Variants in ADAM9 observed in about 807,000 individuals in gnomAD.
ADAM9 encodes ADAM metallopeptidase domain 9.
ADAM9 carries 54 observed loss-of-function variants against 108.1 expected under a neutral mutation model. That is an observed-to-expected ratio of 0.50 (90% CI 0.40 to 0.63). ADAM9 has a LOEUF of 0.63. Ranked by LOEUF, ADAM9 falls within the 20% of genes least tolerant of loss-of-function variation. The pLI is 0.00. For missense variants in ADAM9, 830 were observed against 997.7 expected (o/e 0.83, Z 2.26); for synonymous variants, 316 against 336.0 (o/e 0.94, Z 0.65).
At chr8:39,074,498 A>G (rs1171785138) in intron 15 of ADAM9, among the ~76,000 whole-genome samples, 3 of 152,146 alleles carry the variant, frequency 2.0e-5, no homozygotes, top group East Asian at 3.8e-4. Flanking sequence ...AATTATAGAC[A>G]TGATACTTTA....
intron 12 of ADAM9, among the ~76,000 whole-genome samples, chr8:39,049,838 T>C (rs923038433): frequency 3.3e-5 from 5 of 152,230 alleles, no homozygotes; most frequent in African/African-American, 1.2e-4. Context: ...CATTTGTCTA[T>C]ATATTTATTC....
rs931216395 is a variant in ADAM9, at chr8:39,025,873, G to A, written c.985G>A (p.Gly329Arg). Reference sequence around the variant, plus strand: ...AGTGTGTTCAAGGAGCCACGCAGGCGGGATTAATGTGGTACGTTGTTCTTG... The same window carrying A: ...AGTGTGTTCAAGGAGCCACGCAGGCAGGATTAATGTGGTACGTTGTTCTTG... ...GTVCSRSHAG[G>R]INVFGQITVE... The change falls in exon 10 of 22, where the codon GGG becomes AGG. Residue 329 changes from glycine to arginine, a missense_variant. This residue lies in a region of ADAM9 where 381 missense variants were observed against 539.8 expected (regional missense o/e 0.71). Coordinates refer to ENST00000487273, the MANE Select transcript of ADAM9 (RefSeq NM_003816.3). 3 of 1,614,056 alleles carry A rather than the reference G, an allele frequency of 1.9e-6. No homozygotes were observed. Among genetic ancestry groups the A allele is most frequent in the Non-Finnish European group, 2.5e-6 (3 of 1,179,990 alleles).
chr8:39,072,114 ATATTT>A (rs887533902), intron 15 of ADAM9, among the ~76,000 whole-genome samples: 1 of 152,240 alleles, frequency 6.6e-6, no homozygotes, highest in African/African-American at 2.4e-5. Flanking sequence ...TGAATTTAAA[ATATTT>A]TATATTTCTA....
chr8:39,014,701 C>A, intron 4 of ADAM9: 1 of 605,074 alleles, frequency 1.7e-6, no homozygotes, highest in Non-Finnish European at 2.9e-6. Flanking sequence ...CATGAGAAAT[C>A]TTTATTCCCA....
chr8:39,039,859 G>A (rs1588367810), intron 11 of ADAM9, among the ~76,000 whole-genome samples: 1 of 152,098 alleles, frequency 6.6e-6, no homozygotes, highest in East Asian at 1.9e-4. Context: ...GTCTTTATGA[G>A]GTGGTGTTTT....
chr8:38,997,210 G>C (rs1835844005), intron 1 of ADAM9, 50 bp downstream of exon 1: 1 of 1,552,822 alleles, frequency 6.4e-7, no homozygotes, highest in South Asian at 1.2e-5. Flanking sequence ...CCTAGGGACG[G>C]GGCGCTCGGA....
rs1839709885 is a variant in ADAM9 at position 39,101,914 on chromosome 8, C to T, written c.2350C>T (p.Gln784Ter). The T allele has an allele frequency of 6.2e-7, 1 of 1,613,694 alleles. No individual in the cohort carries two copies. The highest frequency in any genetic ancestry group is 8.5e-7 in the Non-Finnish European group (1 of 1,179,826). Residue 784 changes from glutamine to a stop codon, truncating the protein, a stop_gained, in exon 21 of 22, where the codon CAG becomes TAG. Transcript: ENST00000487273. LOFTEE classifies it high-confidence loss of function. ...ACCAACCTATGCAGCCAAGCAACCT[C>T]AGCAGTTCCCATCAAGGTCAGAAGA... ...AVPTYAAKQP[Q>*]QFPSRPPPPQ...
At chr8:39,059,865 C>T (rs531008724) in intron 14 of ADAM9, among the ~76,000 whole-genome samples, 1 of 152,324 alleles carries the variant, frequency 6.6e-6, no homozygotes, top group East Asian at 1.9e-4. Flanking sequence ...AGGAAGTTCC[C>T]CGTGAGGTCA....
At chr8:39,057,384 C>G (rs1055108076) in intron 14 of ADAM9, among the ~76,000 whole-genome samples, 2 of 148,412 alleles carry the variant, frequency 1.3e-5, no homozygotes, top group African/African-American at 2.5e-5. Context: ...TATATAATAT[C>G]TTATATATGT....
At chr8:39,082,534 T>C in intron 16 of ADAM9, 107 bp from the exon 17 acceptor site, 1 of 805,150 alleles carries the variant, frequency 1.2e-6, no homozygotes, top group Non-Finnish European at 2.0e-6. Context: ...CTTGAAAGTT[T>C]GAAAGAATTC....
chr8:39,045,091 CAT>C lies in ADAM9; in HGVS notation c.1302+2977_1302+2978del, dbSNP rs1400842862. ...ATACATATGTGTGTGTGCATACATA[CAT>C]ATGTGTGTGTGCATACATACATATG... On this transcript the variant is annotated intron_variant, in intron 12 of 21. Transcript: ENST00000487273. Among the ~76,000 whole-genome samples, 10 of 18,910 alleles carry C rather than the reference CAT, an allele frequency of 5.3e-4. 2 individuals are homozygous for C. In the South Asian group the frequency reaches 6.9e-3, roughly 13 times the overall value. The allele number at this position is 18,910 out of a possible 152,430, so 12.4% of individuals were successfully genotyped here.
At chr8:39,023,400 A>G in intron 9 of ADAM9, 75 bp downstream of exon 9, 1 of 1,440,526 alleles carries the variant, frequency 6.9e-7, no homozygotes, top group Admixed American at 2.2e-5. Context: ...TTGTATTAGA[A>G]TTATATTCTC....
chr8:39,080,413 A>G (rs1035312084), intron 16 of ADAM9, among the ~76,000 whole-genome samples: 1 of 152,172 alleles, frequency 6.6e-6, no homozygotes, highest in Non-Finnish European at 1.5e-5. Flanking sequence ...TTTTCTAGCT[A>G]TGACAATAAT....
chr8:39,030,835 C>A (rs1478522010), intron 11 of ADAM9, among the ~76,000 whole-genome samples: 1 of 152,126 alleles, frequency 6.6e-6, no homozygotes, highest in Non-Finnish European at 1.5e-5. Flanking sequence ...TTTACATTTC[C>A]CTGATGACAT....
chr8:39,023,778 ACT>A (rs1425379168), intron 9 of ADAM9, among the ~76,000 whole-genome samples: 1 of 115,332 alleles, frequency 8.7e-6, no homozygotes, highest in Non-Finnish European at 1.6e-5. Flanking sequence ...ACAGAGTCTC[ACT>A]CTGTTGCCCA....
At chr8:39,080,283 C>T (rs113872719) in intron 16 of ADAM9, among the ~76,000 whole-genome samples, 238 of 152,244 alleles carry the variant, frequency 1.6e-3, no homozygotes, top group African/African-American at 5.6e-3. Context: ...TCCAAACCCC[C>T]ATGTCCCAGT....
intron 7 of ADAM9, 116 bp from the exon 8 acceptor site, chr8:39,021,527 A>T (rs1374010377): frequency 1.1e-6 from 1 of 871,280 alleles, no homozygotes; most frequent in African/African-American, 1.7e-5. Flanking sequence ...CAGGTGATCT[A>T]CCCGCCTGGG....
rs1839299446 is a variant in ADAM9 at position 39,090,056 on chromosome 8, C to T, written c.2078C>T (p.Thr693Ile). ...AAATTCTTCTCTCTAGAAATGAATA[C>T]TGCATTGAGGGACGGACTTCTGGTC... Reference protein sequence around the residue: ...DSGPTYNEMNTALRDGLLVFF... With the variant: ...DSGPTYNEMNIALRDGLLVFF... The change falls in exon 19 of 22, where the codon ACT becomes ATT. Residue 693 changes from threonine to isoleucine, a missense_variant. This residue lies in a region of ADAM9 where 238 missense variants were observed against 235.7 expected (regional missense o/e 1.01). Transcript: ENST00000487273. 6.2e-7 allele frequency: 1 copy of T among 1,613,780 alleles called. No homozygotes were observed.
chr8:39,032,460 G>A (rs184868159), intron 11 of ADAM9, among the ~76,000 whole-genome samples: 3 of 152,268 alleles, frequency 2.0e-5, no homozygotes, highest in East Asian at 3.8e-4. Flanking sequence ...CTCTGTGGGC[G>A]TAGGACCCGC....
Sources: allele counts gnomAD v4.1 joint callset (sites outside exome capture counted in the v4.1 genomes callset), GRCh38; gene constraint gnomAD v4.1.1; regional missense constraint gnomAD v4.1.1; transcripts MANE v1.5; gene names NCBI Gene and HGNC (gene_info 2026-07-23, HGNC 2026-07-21).